The following KCNIP4 variants were observed in gnomAD, a reference collection of about 807,000 sequenced individuals.
KCNIP4 encodes Kv channel-interacting protein 4.
A neutral mutation model predicts 34.0 loss-of-function variants in KCNIP4; 12 were observed. The ratio of observed to expected loss-of-function variants is 0.35; its 90% CI spans 0.23 to 0.57. KCNIP4 has a LOEUF of 0.57. KCNIP4 is among the 20% of genes least tolerant of loss of function. KCNIP4 has a pLI of 0.83. For synonymous variants in KCNIP4, 124 were observed against 102.2 expected (o/e 1.21, Z -1.29); for missense variants, 238 against 311.7 (o/e 0.76, Z 1.78).
At chr4:20,838,241 A>G (rs978596357) in intron 3 of KCNIP4, among the ~76,000 whole-genome samples, 2 of 152,168 alleles carry the variant, frequency 1.3e-5, no homozygotes, top group African/African-American at 2.4e-5. Context: ...CATAAGACAG[A>G]GTCTTAGTAC....
At chr4:20,935,766 T>C (rs988595575) in intron 1 of KCNIP4, among the ~76,000 whole-genome samples, 2 of 152,126 alleles carry the variant, frequency 1.3e-5, no homozygotes, top group Non-Finnish European at 2.9e-5. Flanking sequence ...GTGGCTTCCA[T>C]AAACATTTTT....
At chr4:21,392,989 C>A (rs1283208841) in intron 1 of KCNIP4, among the ~76,000 whole-genome samples, 3 of 152,130 alleles carry the variant, frequency 2.0e-5, no homozygotes, top group Non-Finnish European at 4.4e-5. Flanking sequence ...CCTAAGGGGG[C>A]TTCTTTTTAA....
intron 2 of KCNIP4, among the ~76,000 whole-genome samples, chr4:20,858,899 G>A (rs1721903058): frequency 6.6e-6 from 1 of 152,106 alleles, no homozygotes; most frequent in Non-Finnish European, 1.5e-5. Flanking sequence ...ACTTACTCAA[G>A]GTCATACAGC....
chr4:21,011,966 C>T (rs1739100525), intron 1 of KCNIP4, among the ~76,000 whole-genome samples: 1 of 152,224 alleles, frequency 6.6e-6, no homozygotes, highest in African/African-American at 2.4e-5. Context: ...GAAGCTCTAA[C>T]TGGTCTTAAC....
chr4:21,905,410 C>A (rs557657863), intron 1 of KCNIP4, among the ~76,000 whole-genome samples: 44 of 151,834 alleles, frequency 2.9e-4, no homozygotes, highest in African/African-American at 1.0e-3. Context: ...TTTTTTTATT[C>A]TATTATTATT....
intron 3 of KCNIP4, among the ~76,000 whole-genome samples, chr4:20,762,982 C>T (rs1755073594): frequency 1.3e-5 from 2 of 152,066 alleles, no homozygotes; most frequent in African/African-American, 4.8e-5. Flanking sequence ...GAGTGAAAGG[C>T]AGGAGCCCCT....
chr4:20,837,373 A>G (rs1719168937), intron 3 of KCNIP4, among the ~76,000 whole-genome samples: 1 of 152,108 alleles, frequency 6.6e-6, no homozygotes, highest in East Asian at 1.9e-4. Context: ...TTTAATAAAG[A>G]TTCAAATGCC....
rs1484553255 is a variant in KCNIP4 at position 21,048,331 on chromosome 4, G to A, written c.62-165622C>T. On this transcript the variant is annotated intron_variant, in intron 1 of 8. Coordinates refer to ENST00000382152, the MANE Select transcript of KCNIP4 (RefSeq NM_025221.6). Reference sequence around the variant, plus strand: ...GAGAAGATGACAAGAAGAGATGGAAGAGGCTGTTCACTGGCTTGGCTTGAA... The same window carrying A: ...GAGAAGATGACAAGAAGAGATGGAAAAGGCTGTTCACTGGCTTGGCTTGAA... Among the ~76,000 whole-genome samples, 5 of 152,174 alleles carry A rather than the reference G, an allele frequency of 3.3e-5. No individual in the cohort carries two copies. In the East Asian group the frequency reaches 7.7e-4, roughly 24 times the overall value.
intron 1 of KCNIP4, among the ~76,000 whole-genome samples, chr4:21,263,509 G>A (rs898460368): frequency 1.3e-5 from 2 of 152,242 alleles, no homozygotes; most frequent in Admixed American, 1.3e-4. Context: ...CTTCAAAGTA[G>A]AGGGCCAAAT....
intron 1 of KCNIP4, among the ~76,000 whole-genome samples, chr4:21,412,492 G>T (rs1724592112): frequency 6.6e-6 from 1 of 152,132 alleles, no homozygotes; most frequent in Admixed American, 6.5e-5. Flanking sequence ...TAGTACTTTG[G>T]TTAATTGACT....
intron 1 of KCNIP4, among the ~76,000 whole-genome samples, chr4:21,673,146 G>A: frequency 6.6e-6 from 1 of 152,188 alleles, no homozygotes; most frequent in Non-Finnish European, 1.5e-5. Flanking sequence ...CCAGGAGGTG[G>A]GGATACTTGT....
At chr4:21,573,749 G>T (rs1189288613) in intron 1 of KCNIP4, among the ~76,000 whole-genome samples, 2 of 152,050 alleles carry the variant, frequency 1.3e-5, no homozygotes, top group African/African-American at 2.4e-5. Context: ...TGATATGCAT[G>T]TTAGTACACT....
intron 1 of KCNIP4, among the ~76,000 whole-genome samples, chr4:21,318,589 G>A (rs1397363516): frequency 6.6e-6 from 1 of 152,052 alleles, no homozygotes; most frequent in Non-Finnish European, 1.5e-5. Flanking sequence ...TAAGTACTGT[G>A]CCACTATTGT....
chr4:21,198,602 AG>A (rs1366289557), intron 1 of KCNIP4, among the ~76,000 whole-genome samples: 1 of 152,180 alleles, frequency 6.6e-6, no homozygotes. Flanking sequence ...TATCTGTAAA[AG>A]TAGGCCTTGG....
chr4:21,745,411 G>C, intron 1 of KCNIP4, among the ~76,000 whole-genome samples: 1 of 152,112 alleles, frequency 6.6e-6, no homozygotes, highest in East Asian at 1.9e-4. Flanking sequence ...TGTTTTAAGT[G>C]AGGTTATTGT....
chr4:21,758,323 A>G (rs1717806130), intron 1 of KCNIP4, among the ~76,000 whole-genome samples: 1 of 152,228 alleles, frequency 6.6e-6, no homozygotes, highest in Admixed American at 6.5e-5. Flanking sequence ...AATAATGTGA[A>G]TAGAGTAACT....
At chr4:21,520,946 C>G (rs564634626) in intron 1 of KCNIP4, among the ~76,000 whole-genome samples, 1 of 152,176 alleles carries the variant, frequency 6.6e-6, no homozygotes, top group Non-Finnish European at 1.5e-5. Context: ...TTAAATTGCC[C>G]TCTATTATCA....
rs376988368 is a variant in KCNIP4, at chr4:20,755,539, G to A, written c.358+3282C>T. Among the ~76,000 whole-genome samples, 49 of 152,288 alleles carry A rather than the reference G, an allele frequency of 3.2e-4. No individual in the cohort carries two copies. The East Asian group carries it at 8.5e-3, about 26-fold the overall frequency. On this transcript the variant is annotated intron_variant, in intron 4 of 8. Coordinates refer to ENST00000382152, the MANE Select transcript of KCNIP4 (RefSeq NM_025221.6). Reference sequence around the variant, plus strand: ...ACCTGTGGATACAACAGTAAACAAAGTGGAGAAATCCTCTGTTCCCCTGGA... The same window carrying A: ...ACCTGTGGATACAACAGTAAACAAAATGGAGAAATCCTCTGTTCCCCTGGA...
intron 1 of KCNIP4, among the ~76,000 whole-genome samples, chr4:21,891,699 T>A (rs1727105123): frequency 6.6e-6 from 1 of 152,126 alleles, no homozygotes; most frequent in South Asian, 2.1e-4. Context: ...CAAAGGAATT[T>A]AAAGCAAAAA....
Sources: gnomAD v4.1 joint callset for allele counts (sites outside exome capture counted in the v4.1 genomes callset) on GRCh38, gnomAD v4.1.1 for gene constraint, MANE v1.5 for transcripts, NCBI Gene and HGNC (gene_info 2026-07-23, HGNC 2026-07-21) for gene names.